Variants in TTC28 observed in about 807,000 individuals in gnomAD.
The protein encoded by TTC28 is tetratricopeptide repeat domain 28.
TTC28 carries 61 observed loss-of-function variants against 198.0 expected under a neutral mutation model. The ratio of observed to expected loss-of-function variants is 0.31; its 90% confidence interval spans 0.25 to 0.38. TTC28 has a LOEUF of 0.38. Among genes scored for constraint, TTC28 ranks in the 10% least tolerant of loss-of-function variants. The pLI, the probability that TTC28 is intolerant of heterozygous loss-of-function variation, is 1.00. For synonymous variants in TTC28, 1,171 were observed against 1,297.8 expected (o/e 0.90, Z 2.10); for missense variants, 2,678 against 3,164.0 (o/e 0.85, Z 3.69).
At chr22:27,991,213 G>A (rs1036167811) in intron 19 of TTC28, among the ~76,000 whole-genome samples, 1 of 152,222 alleles carries the variant, frequency 6.6e-6, no homozygotes. Flanking sequence ...GCCCAACAGC[G>A]TATCAGGCAG....
At chr22:28,169,985 C>T (rs541765142) in intron 5 of TTC28, among the ~76,000 whole-genome samples, 5 of 152,100 alleles carry the variant, frequency 3.3e-5, no homozygotes, top group Non-Finnish European at 5.9e-5. Flanking sequence ...CACAGACCTA[C>T]GCAGAATTGA....
chr22:28,481,977 T>C (rs527961193), intron 2 of TTC28, among the ~76,000 whole-genome samples: 3 of 152,186 alleles, frequency 2.0e-5, no homozygotes, highest in Non-Finnish European at 4.4e-5. Flanking sequence ...TTTCTGAACT[T>C]GACAAGTGAA....
chr22:28,597,926 G>A (rs2050568995), intron 2 of TTC28, among the ~76,000 whole-genome samples: 1 of 151,838 alleles, frequency 6.6e-6, no homozygotes, highest in African/African-American at 2.4e-5. Context: ...CAAGTAGCTG[G>A]GACAATAGGC....
At chr22:28,157,651 C>T (rs1190033776) in intron 6 of TTC28, among the ~76,000 whole-genome samples, 1 of 152,114 alleles carries the variant, frequency 6.6e-6, no homozygotes, top group Admixed American at 6.5e-5. Flanking sequence ...CAATGTGATA[C>T]TTCATATCAA....
chr22:28,515,171 C>G (rs2048760592), intron 2 of TTC28, among the ~76,000 whole-genome samples: 1 of 152,048 alleles, frequency 6.6e-6, no homozygotes, highest in African/African-American at 2.4e-5. Context: ...AAATAAAAAT[C>G]AAAGCAATTT....
intron 5 of TTC28, among the ~76,000 whole-genome samples, chr22:28,220,052 A>C (rs1023356638): frequency 9.2e-5 from 14 of 152,268 alleles, no homozygotes; most frequent in African/African-American, 3.4e-4. Context: ...GGTGTCCTTT[A>C]TCTAGGACAC....
At chr22:28,442,170 A>G (rs999678312) in intron 2 of TTC28, among the ~76,000 whole-genome samples, 4 of 152,120 alleles carry the variant, frequency 2.6e-5, no homozygotes, top group Non-Finnish European at 5.9e-5. Context: ...ATAATCTCGC[A>G]AAAAGCAAAG....
intron 2 of TTC28, among the ~76,000 whole-genome samples, chr22:28,508,778 A>T (rs1254484255): frequency 6.6e-6 from 1 of 152,164 alleles, no homozygotes; most frequent in East Asian, 1.9e-4. Context: ...CCCACATAAA[A>T]ATAGTGGGAG....
intron 2 of TTC28, among the ~76,000 whole-genome samples, chr22:28,337,014 T>C (rs1013010057): frequency 2.6e-5 from 4 of 152,228 alleles, no homozygotes; most frequent in African/African-American, 9.6e-5. Flanking sequence ...GCTTTGAATG[T>C]GTTCCAGAGA....
intron 5 of TTC28, among the ~76,000 whole-genome samples, chr22:28,261,345 C>T (rs185691563): frequency 5.9e-5 from 9 of 152,192 alleles, no homozygotes; most frequent in Admixed American, 2.0e-4. Context: ...GTGCAGGAAT[C>T]GGGAAAATAT....
At chr22:28,329,712 G>A (rs992001055) in intron 2 of TTC28, among the ~76,000 whole-genome samples, 20 of 152,040 alleles carry the variant, frequency 1.3e-4, no homozygotes, top group Admixed American at 1.1e-3. Flanking sequence ...TTATGTGACT[G>A]TCCTCCTAAC....
At chr22:28,592,796 C>T (rs1390920039) in intron 2 of TTC28, among the ~76,000 whole-genome samples, 1 of 152,064 alleles carries the variant, frequency 6.6e-6, no homozygotes, top group Non-Finnish European at 1.5e-5. Context: ...TACCAATTAC[C>T]CTTTATCAAA....
chr22:28,588,814 T>C (rs2050370817), intron 2 of TTC28, among the ~76,000 whole-genome samples: 1 of 152,202 alleles, frequency 6.6e-6, no homozygotes, highest in Non-Finnish European at 1.5e-5. Flanking sequence ...TTGCTGGTTA[T>C]CCACAGGACA....
At chr22:28,266,037 G>A (rs886321663) in intron 5 of TTC28, among the ~76,000 whole-genome samples, 7 of 151,810 alleles carry the variant, frequency 4.6e-5, no homozygotes, top group South Asian at 2.1e-4. Context: ...AAAATTAGCC[G>A]GGTTTAGTGG....
intron 11 of TTC28, 21 bp downstream of exon 11, chr22:28,096,162 GCCCTGTT>G (rs1273526498): frequency 1.3e-6 from 2 of 1,515,184 alleles, no homozygotes; most frequent in Admixed American, 4.1e-5. Flanking sequence ...TCTTCTAATT[GCCCTGTT>G]CCCACAGAAA....
chr22:27,988,782 C>T (rs1342303934), intron 21 of TTC28, among the ~76,000 whole-genome samples: 1 of 152,100 alleles, frequency 6.6e-6, no homozygotes, highest in Non-Finnish European at 1.5e-5. Context: ...TGGCTGTTCC[C>T]TCGGCCTGGC....
intron 2 of TTC28, among the ~76,000 whole-genome samples, chr22:28,585,009 A>G (rs947121307): frequency 2.0e-5 from 3 of 152,206 alleles, no homozygotes. Flanking sequence ...CTCTGAAGAA[A>G]GAAAGAAAGG....
At chr22:28,426,583 G>A (rs2047353994) in intron 2 of TTC28, among the ~76,000 whole-genome samples, 1 of 152,130 alleles carries the variant, frequency 6.6e-6, no homozygotes, top group Admixed American at 6.5e-5. Context: ...AAGGAACTAG[G>A]AATAAGGGAA....
chr22:28,447,783 G>C (rs2047724535), intron 2 of TTC28, among the ~76,000 whole-genome samples: 1 of 152,164 alleles, frequency 6.6e-6, no homozygotes, highest in Non-Finnish European at 1.5e-5. Context: ...AAACTTCAAA[G>C]TGATACAAGG....
Sources: allele counts gnomAD v4.1 joint callset (sites outside exome capture counted in the v4.1 genomes callset), GRCh38; gene constraint gnomAD v4.1.1; transcripts MANE v1.5; gene names NCBI Gene and HGNC (gene_info 2026-07-23, HGNC 2026-07-21).